Variants in PPP3CA observed in about 807,000 individuals in gnomAD.
PPP3CA encodes protein phosphatase 3 catalytic subunit alpha.
A neutral mutation model predicts 66.5 loss-of-function variants in PPP3CA; 14 were observed. The observed-to-expected ratio is 0.21, with a 90% CI of 0.14 to 0.33. PPP3CA has a LOEUF of 0.33. PPP3CA is among the 10% of genes least tolerant of loss of function. PPP3CA has a pLI of 1.00. For synonymous variants in PPP3CA, 232 were observed against 226.2 expected (o/e 1.03, Z -0.23); for missense variants, 317 against 639.5 (o/e 0.50, Z 5.44).
At chr4:101,187,589 T>C (rs1724453531) in intron 2 of PPP3CA, among the ~76,000 whole-genome samples, 2 of 152,156 alleles carry the variant, frequency 1.3e-5, no homozygotes, top group Admixed American at 6.6e-5. Context: ...TAAGCTAAGG[T>C]CCACCTTTGA....
At chr4:101,298,333 C>G (rs1454189561) in intron 1 of PPP3CA, among the ~76,000 whole-genome samples, 1 of 139,700 alleles carries the variant, frequency 7.2e-6, no homozygotes, top group Non-Finnish European at 1.5e-5. Flanking sequence ...CTATACCAAG[C>G]AGGGAGATAT....
intron 2 of PPP3CA, among the ~76,000 whole-genome samples, chr4:101,112,963 C>T (rs764163797): frequency 2.0e-5 from 3 of 152,010 alleles, no homozygotes; most frequent in Admixed American, 6.6e-5. Context: ...ATTGGGCCTA[C>T]GCTATGCTTA....
At chr4:101,296,445 T>C (rs1241285795) in intron 1 of PPP3CA, among the ~76,000 whole-genome samples, 1 of 152,122 alleles carries the variant, frequency 6.6e-6, no homozygotes, top group African/African-American at 2.4e-5. Context: ...AACAGATGCA[T>C]GAGAAAGCTA....
intron 2 of PPP3CA, among the ~76,000 whole-genome samples, chr4:101,143,091 T>C (rs907776290): frequency 1.3e-5 from 2 of 152,196 alleles, no homozygotes; most frequent in Non-Finnish European, 2.9e-5. Context: ...GTTTAATTTC[T>C]ACCACACAAG....
At chr4:101,175,306 T>C (rs1724024068) in intron 2 of PPP3CA, among the ~76,000 whole-genome samples, 1 of 152,154 alleles carries the variant, frequency 6.6e-6, no homozygotes, top group Admixed American at 6.5e-5. Context: ...GTGGTAGACT[T>C]CTGGGAAAGA....
chr4:101,302,415 AAGTT>A (rs1222793549), intron 1 of PPP3CA, among the ~76,000 whole-genome samples: 1 of 152,262 alleles, frequency 6.6e-6, no homozygotes, highest in Non-Finnish European at 1.5e-5. Context: ...AAACTTTTCT[AAGTT>A]AGCACACTAT....
At chr4:101,309,309 G>T (rs1728646384) in intron 1 of PPP3CA, among the ~76,000 whole-genome samples, 1 of 152,084 alleles carries the variant, frequency 6.6e-6, no homozygotes, top group Non-Finnish European at 1.5e-5. Flanking sequence ...GTTACAAGGG[G>T]CTTTATTCCT....
chr4:101,027,262 GA>G (rs79492334), intron 13 of PPP3CA, among the ~76,000 whole-genome samples: 36,456 of 139,370 alleles, frequency 0.26, 4,665 homozygotes, highest in South Asian at 0.39. Flanking sequence ...ATTTGGGGGG[GA>G]AAAAAAAAAA....
chr4:101,161,556 G>C (rs1470995037), intron 2 of PPP3CA, among the ~76,000 whole-genome samples: 1 of 152,114 alleles, frequency 6.6e-6, no homozygotes. Context: ...GGATTCATTA[G>C]CTCTAGAAGA....
intron 8 of PPP3CA, among the ~76,000 whole-genome samples, chr4:101,072,725 T>C (rs1160329739): frequency 1.3e-5 from 2 of 151,970 alleles, no homozygotes; most frequent in South Asian, 2.1e-4. Flanking sequence ...TATAACCAAC[T>C]GAAGATTTTA....
At chr4:101,222,181 T>C (rs1278867551) in intron 1 of PPP3CA, among the ~76,000 whole-genome samples, 1 of 151,682 alleles carries the variant, frequency 6.6e-6, no homozygotes, top group Non-Finnish European at 1.5e-5. Context: ...TTCATATATA[T>C]TATTTTAGGA....
chr4:101,215,484 T>G (rs1430155822), intron 1 of PPP3CA, among the ~76,000 whole-genome samples: 5 of 152,050 alleles, frequency 3.3e-5, no homozygotes, highest in Non-Finnish European at 5.9e-5. Context: ...TTTTCTATTT[T>G]TTTCTCTTCA....
intron 2 of PPP3CA, among the ~76,000 whole-genome samples, chr4:101,152,191 A>G (rs1458181199): frequency 1.3e-5 from 2 of 152,228 alleles, no homozygotes; most frequent in Admixed American, 1.3e-4. Flanking sequence ...TTCCAGTTAA[A>G]AAGCACTGAC....
At chr4:101,256,617 T>C (rs1486072830) in intron 1 of PPP3CA, among the ~76,000 whole-genome samples, 2 of 151,972 alleles carry the variant, frequency 1.3e-5, no homozygotes, top group Non-Finnish European at 2.9e-5. Flanking sequence ...TATTAAGAAG[T>C]CTGATGAAGT....
intron 2 of PPP3CA, among the ~76,000 whole-genome samples, chr4:101,149,706 T>C (rs1049001847): frequency 2.0e-5 from 3 of 152,144 alleles, no homozygotes; most frequent in Non-Finnish European, 4.4e-5. Context: ...CACTCACAAA[T>C]TATTAGGTAC....
At chr4:101,095,582 C>T (rs553349307) in intron 5 of PPP3CA, among the ~76,000 whole-genome samples, 15 of 152,176 alleles carry the variant, frequency 9.9e-5, no homozygotes, top group Non-Finnish European at 1.6e-4. Flanking sequence ...ACTTAATTTA[C>T]GATGTGAAGT....
chr4:101,028,672 G>A (rs1726780165), intron 13 of PPP3CA, among the ~76,000 whole-genome samples: 1 of 152,126 alleles, frequency 6.6e-6, no homozygotes, highest in Non-Finnish European at 1.5e-5. Context: ...TCTCATGTTG[G>A]AATATTTTTT....
At chr4:101,090,432 AG>A (rs1560596354) in intron 6 of PPP3CA, among the ~76,000 whole-genome samples, 1 of 152,044 alleles carries the variant, frequency 6.6e-6, no homozygotes, top group Non-Finnish European at 1.5e-5. Context: ...TGAGGTCAGG[AG>A]TTTGAGACCA....
intron 8 of PPP3CA, among the ~76,000 whole-genome samples, chr4:101,078,497 ACC>A (rs1257891229): frequency 6.6e-6 from 1 of 152,142 alleles, no homozygotes; most frequent in Non-Finnish European, 1.5e-5. Context: ...ATTATCCCTT[ACC>A]AAATGTATTT....
Sources: allele counts gnomAD v4.1 joint callset (sites outside exome capture counted in the v4.1 genomes callset), GRCh38; gene constraint gnomAD v4.1.1; transcripts MANE v1.5; gene names NCBI Gene and HGNC (gene_info 2026-07-23, HGNC 2026-07-21).